Variants in MYO1B observed in about 807,000 individuals in gnomAD.
The protein encoded by MYO1B is myosin IB.
MYO1B carries 72 observed loss-of-function variants against 159.7 expected under a neutral mutation model. That is an observed-to-expected ratio of 0.45 (90% CI 0.37 to 0.55). MYO1B has a LOEUF of 0.55. Among genes scored for constraint, MYO1B ranks in the 20% least tolerant of loss-of-function variants. MYO1B has a pLI of 0.00. For missense variants in MYO1B, 1,062 were observed against 1,364.8 expected, an observed-to-expected ratio of 0.78 and a Z score of 3.50; for synonymous variants, 468 against 473.8, an observed-to-expected ratio of 0.99 and a Z score of 0.16.
At chr2:191,364,043 C>T (rs1233868243) in intron 10 of MYO1B, 115 bp from the exon 11 acceptor site, 1 of 1,193,760 alleles carries the variant, frequency 8.4e-7, no homozygotes, top group African/African-American at 1.5e-5. Flanking sequence ...TTGATGTATA[C>T]ATTTTATACT....
chr2:191,262,639 C>T (rs1055128035), intron 1 of MYO1B, among the ~76,000 whole-genome samples: 6 of 151,960 alleles, frequency 3.9e-5, no homozygotes, highest in Admixed American at 6.6e-5. Context: ...CCATTCCCAC[C>T]ACTCTAACAC....
rs111249731 is a variant in MYO1B, at chr2:191,332,879, A to G, written c.346+2850A>G. 7.6e-3 allele frequency among the ~76,000 whole-genome samples: 1,159 copies of G among 152,252 alleles called. 9 individuals carry two copies. Among genetic ancestry groups the G allele is most frequent in the African/African-American group, 0.027 (1,107 of 41,526 alleles). On this transcript the variant is annotated intron_variant, in intron 4 of 30. Transcript: ENST00000392318. ...TGCCCATGTTGGTAAGTCTCCTTCA[A>G]CTAGCCTCCCATGTCTTCTTAAGGG...
At chr2:191,312,647 G>C (rs1045266259) in intron 3 of MYO1B, among the ~76,000 whole-genome samples, 6 of 152,186 alleles carry the variant, frequency 3.9e-5, no homozygotes, top group Admixed American at 3.3e-4. Flanking sequence ...AAATCTGCCT[G>C]TGTTTGGTTA....
At chr2:191,320,896 C>T (rs1690668989) in intron 3 of MYO1B, among the ~76,000 whole-genome samples, 1 of 152,046 alleles carries the variant, frequency 6.6e-6, no homozygotes, top group Non-Finnish European at 1.5e-5. Flanking sequence ...CAAATGGCAT[C>T]TCTGCCTATT....
At position 191,411,022 on chromosome 2, in the gene MYO1B, T is replaced by C. The variant is rs777951214; in HGVS notation, c.2767-44T>C. The stretch of plus-strand genomic sequence containing the variant: ...ATATTTAAGAATGAGTAATAATTTA[T>C]TTATATAAATGATGTTTTGTTTCTT... On this transcript the variant is annotated intron_variant, in intron 26 of 30. Coordinates refer to ENST00000392318, the MANE Select transcript of MYO1B (RefSeq NM_001130158.3). 3 of 1,114,370 alleles carry C rather than the reference T, an allele frequency of 2.7e-6. No homozygotes were observed. In the Admixed American group the frequency reaches 6.5e-5, roughly 24 times the overall value. The allele number at this position is 1,114,370 out of a possible 1,614,324, so 69.0% of individuals were successfully genotyped here.
intron 13 of MYO1B, among the ~76,000 whole-genome samples, chr2:191,376,741 CA>C (rs1157789367): frequency 3.3e-5 from 5 of 152,194 alleles, no homozygotes; most frequent in African/African-American, 1.2e-4. Flanking sequence ...TATTCACCTA[CA>C]GACTCCTTCC....
chr2:191,246,506 TG>T (rs1283385301), intron 1 of MYO1B: 3 of 152,026 alleles, frequency 2.0e-5, no homozygotes, highest in Admixed American at 1.3e-4. Flanking sequence ...GCGTTCCCAA[TG>T]TTAGATTGCT....
At chr2:191,386,362 A>T (rs191798234) in intron 16 of MYO1B, among the ~76,000 whole-genome samples, 310 of 152,348 alleles carry the variant, frequency 2.0e-3, no homozygotes, top group African/African-American at 7.2e-3. Flanking sequence ...AAGCTATCCT[A>T]TAAAAAATAT....
intron 3 of MYO1B, among the ~76,000 whole-genome samples, chr2:191,311,046 C>T (rs866764780): frequency 1.3e-5 from 2 of 152,096 alleles, no homozygotes; most frequent in African/African-American, 2.4e-5. Flanking sequence ...TTAACTCTTA[C>T]GAAACCCTTT....
intron 7 of MYO1B, among the ~76,000 whole-genome samples, chr2:191,356,607 A>G (rs989568439): frequency 2.6e-5 from 4 of 152,180 alleles, no homozygotes; most frequent in African/African-American, 9.7e-5. Context: ...ACAAATATTG[A>G]AGAAACCAGG....
chr2:191,358,104 C>A (rs1693418803), intron 7 of MYO1B, among the ~76,000 whole-genome samples: 1 of 150,778 alleles, frequency 6.6e-6, no homozygotes, highest in African/African-American at 2.4e-5. Flanking sequence ...AAGGACATTG[C>A]TTTTTTTTTG....
Position 191,400,368 on chromosome 2 carries a change from A to T in MYO1B, c.2296-14A>T. On this transcript the variant is annotated splice_polypyrimidine_tract_variant and intron_variant, in intron 21 of 30. Transcript: ENST00000392318. ...TTTTAAACATTCTCTCTTTTGGGTG[A>T]TTCTGCCCTTTAGGCTCGAAAAATT... 6.2e-7 allele frequency: 1 copy of T among 1,613,608 alleles called. No homozygotes were observed. Among genetic ancestry groups the T allele is most frequent in the Non-Finnish European group, 8.5e-7 (1 of 1,179,820 alleles).
At chr2:191,368,087 G>C (rs1183641597) in intron 11 of MYO1B, among the ~76,000 whole-genome samples, 1 of 152,178 alleles carries the variant, frequency 6.6e-6, no homozygotes, top group Non-Finnish European at 1.5e-5. Context: ...GGAGGTTTGG[G>C]ATTAGCATGG....
chr2:191,296,182 G>A lies in MYO1B; in HGVS notation c.207G>A (p.Val69=). 1 of 1,609,968 alleles carries A rather than the reference G, an allele frequency of 6.2e-7. No individual in the cohort carries two copies. Among genetic ancestry groups the A allele is most frequent in the South Asian group, 1.1e-5 (1 of 90,762 alleles). ...RSLPIYSPEK[V]EEYRNRNFYE... The stretch of plus-strand genomic sequence containing the variant: ...TACCCATTTATTCACCAGAGAAAGT[G>A]GAAGAATACAGGAACAGAAATTTTT... The change falls in exon 3 of 31, where the codon GTG becomes GTA. Residue 69 remains valine (V), a synonymous_variant. Coordinates refer to ENST00000392318, the MANE Select transcript of MYO1B (RefSeq NM_001130158.3).
intron 3 of MYO1B, among the ~76,000 whole-genome samples, chr2:191,322,173 T>G (rs895444972): frequency 3.3e-5 from 5 of 152,150 alleles, no homozygotes; most frequent in Non-Finnish European, 7.4e-5. Flanking sequence ...CTGTGGTGGT[T>G]TCATGCCTAG....
intron 7 of MYO1B, among the ~76,000 whole-genome samples, chr2:191,351,447 C>G (rs1692918842): frequency 7.1e-6 from 1 of 141,374 alleles, no homozygotes; most frequent in African/African-American, 2.8e-5. Flanking sequence ...TTTGGTCAAA[C>G]TATGCAGCTG....
chr2:191,373,911 T>C (rs1340640734), intron 13 of MYO1B, among the ~76,000 whole-genome samples: 1 of 152,224 alleles, frequency 6.6e-6, no homozygotes, highest in Non-Finnish European at 1.5e-5. Flanking sequence ...ACCTCCATTT[T>C]CCTTTTTAAG....
At chr2:191,367,905 C>T (rs1346080161) in intron 11 of MYO1B, among the ~76,000 whole-genome samples, 1 of 152,144 alleles carries the variant, frequency 6.6e-6, no homozygotes, top group Non-Finnish European at 1.5e-5. Context: ...TTTAAGAAAG[C>T]AAAAACTAGA....
intron 7 of MYO1B, among the ~76,000 whole-genome samples, chr2:191,359,204 G>A (rs1002084982): frequency 6.6e-6 from 1 of 151,320 alleles, no homozygotes; most frequent in African/African-American, 2.4e-5. Flanking sequence ...TTGCATGTCA[G>A]TTTTTACTTA....
Sources: gnomAD v4.1 joint callset for allele counts (sites outside exome capture counted in the v4.1 genomes callset) on GRCh38, gnomAD v4.1.1 for gene constraint, MANE v1.5 for transcripts, NCBI Gene and HGNC (gene_info 2026-07-23, HGNC 2026-07-21) for gene names.